TSNAX: variants seen among roughly 807,000 people sequenced by gnomAD.
TSNAX encodes the protein translin-associated protein X.
In TSNAX, 12 loss-of-function variants were observed where a neutral mutation model predicts 33.0. That is an observed-to-expected ratio of 0.36 (90% CI 0.23 to 0.59). TSNAX has a LOEUF of 0.59. Among genes scored for constraint, TSNAX ranks in the 20% least tolerant of loss-of-function variants. The pLI is 0.74. For synonymous variants in TSNAX, 110 were observed against 117.2 expected (o/e 0.94, Z 0.40); for missense variants, 267 against 341.3 (o/e 0.78, Z 1.72).
chr1:231,548,232 A>G (rs1455663843), intron 4 of TSNAX, among the ~76,000 whole-genome samples: 1 of 152,244 alleles, frequency 6.6e-6, no homozygotes, highest in Non-Finnish European at 1.5e-5. Flanking sequence ...TAGTAAACAG[A>G]TACAAAGGGC....
chr1:231,528,672 G>T lies in TSNAX; in HGVS notation c.-139G>T, dbSNP rs751716230. On this transcript the variant is annotated 5_prime_UTR_variant, in exon 1 of 6. Coordinates refer to ENST00000366639, the MANE Select transcript of TSNAX (RefSeq NM_005999.3). ...GGAAGTACGTGAGAGGAGACTTCCG[G>T]CCACTGCGTTGTAGTCGGCCCGGCT... is the stretch of plus-strand genomic sequence containing the variant. The T allele has an allele frequency of 7.5e-6, 7 of 934,358 alleles. No individual in the cohort carries two copies. The highest frequency in any genetic ancestry group is 4.4e-5 in the South Asian group (3 of 68,564). 57.9% of individuals were successfully genotyped at this position (934,358 alleles called of 1,614,324 possible).
At chr1:231,540,173 CAAAAAAAAA>C (rs10714707) in intron 3 of TSNAX, among the ~76,000 whole-genome samples, 97 of 70,430 alleles carry the variant, frequency 1.4e-3, no homozygotes, top group East Asian at 7.9e-3. Flanking sequence ...GACTCTGTCT[CAAAAAAAAA>C]AAAAAAAAAA....
chr1:231,537,758 A>AG (rs1311034043), intron 3 of TSNAX, among the ~76,000 whole-genome samples: 1 of 150,884 alleles, frequency 6.6e-6, no homozygotes, highest in East Asian at 1.9e-4. Context: ...AAAAAAAAAA[A>AG]GGAAAAGTCT....
At chr1:231,533,409 C>T (rs980223381) in intron 2 of TSNAX, among the ~76,000 whole-genome samples, 1 of 152,154 alleles carries the variant, frequency 6.6e-6, no homozygotes. Flanking sequence ...CCCGGAAAGT[C>T]TTTAATGAGA....
At chr1:231,562,094 A>G (rs1661152848) in intron 5 of TSNAX, among the ~76,000 whole-genome samples, 1 of 151,120 alleles carries the variant, frequency 6.6e-6, no homozygotes, top group Non-Finnish European at 1.5e-5. Flanking sequence ...TGACTATTTG[A>G]TACTTTCTGA....
In TSNAX at chr1:231,542,501, T is replaced by C. The variant is rs747164945; in HGVS notation, c.257T>C (p.Ile86Thr). 53 of 1,613,902 alleles carry C rather than the reference T, an allele frequency of 3.3e-5. 1 individual carries two copies. Among genetic ancestry groups the C allele is most frequent in the South Asian group, 2.2e-4 (20 of 91,084 alleles). The change falls in exon 4 of 6, where the codon ATA becomes ACA. Residue 86 changes from isoleucine to threonine, a missense_variant. By Grantham distance (89) the Ile-to-Thr change is moderately conservative. Around this residue, in one of 2 missense-constraint regions of TSNAX, gnomAD observed 200 missense variants for 214.1 expected, o/e 0.93. Coordinates refer to ENST00000366639, the MANE Select transcript of TSNAX (RefSeq NM_005999.3). ...CATAGTGCTCCTGATATGGAAGATATATTGACTGAATCAGAAATTAAATTG... is the reference window on the plus strand; with the variant it reads ...CATAGTGCTCCTGATATGGAAGATACATTGACTGAATCAGAAATTAAATTG... ...RITSAPDMED[I>T]LTESEIKLDG...
Position 231,529,240 on chromosome 1 carries a change from T to C in TSNAX, c.17-15T>C. The C allele has an allele frequency of 1.2e-6, 2 of 1,609,308 alleles. No homozygotes were observed. Among genetic ancestry groups the C allele is most frequent in the Non-Finnish European group, 1.7e-6 (2 of 1,178,422 alleles). The stretch of plus-strand genomic sequence containing the variant: ...GTGATGGAAGATCCCTCTCTTTTTT[T>C]CTTCTCTATATAAGGATCAGGAGGG... On this transcript the variant is annotated splice_polypyrimidine_tract_variant and intron_variant, in intron 1 of 5. Transcript: ENST00000366639.
chr1:231,566,324 G>C lies in TSNAX; in HGVS notation c.*1419G>C, dbSNP rs1424744531. The C allele has an allele frequency of 6.6e-6, 1 of 152,502 alleles. No individual in the cohort carries two copies. The highest frequency in any genetic ancestry group is 6.6e-5 in the Admixed American group (1 of 15,266). The allele number at this position is 152,502 out of a possible 1,614,324, so 9.4% of individuals were successfully genotyped here. ...GAATTGGAATTTGCCTACTGAAATA[G>C]TTATAGATGATTACTTGTGATGTGA... On this transcript the variant is annotated 3_prime_UTR_variant, in exon 6 of 6. Coordinates refer to ENST00000366639, the MANE Select transcript of TSNAX (RefSeq NM_005999.3).
At position 231,529,248 on chromosome 1, in the gene TSNAX, A is replaced by G. The variant is rs1296215174; in HGVS notation, c.17-7A>G. On this transcript the variant is annotated splice_region_variant and splice_polypyrimidine_tract_variant and intron_variant, in intron 1 of 5. Transcript: ENST00000366639. ...AGATCCCTCTCTTTTTTTCTTCTCTATATAAGGATCAGGAGGGTTCAGGAA... is the reference window on the plus strand; with the variant it reads ...AGATCCCTCTCTTTTTTTCTTCTCTGTATAAGGATCAGGAGGGTTCAGGAA... The G allele has an allele frequency of 5.0e-6, 8 of 1,611,846 alleles. No homozygotes were observed. Among genetic ancestry groups the G allele is most frequent in the African/African-American group, 2.7e-5 (2 of 74,792 alleles).
intron 3 of TSNAX, among the ~76,000 whole-genome samples, chr1:231,539,634 G>A (rs1226391050): frequency 1.3e-5 from 2 of 152,100 alleles, no homozygotes; most frequent in African/African-American, 4.8e-5. Flanking sequence ...TTAGAAAATG[G>A]TAGTCTTTAG....
intron 3 of TSNAX, 109 bp downstream of exon 3, chr1:231,537,436 A>G (rs919219110): frequency 1.5e-5 from 10 of 678,196 alleles, no homozygotes; most frequent in Middle Eastern, 4.2e-4. Context: ...TTAAGAGTTA[A>G]TATTTTAATA....
At chr1:231,560,461 C>G (rs1661026170) in intron 4 of TSNAX, among the ~76,000 whole-genome samples, 1 of 114,664 alleles carries the variant, frequency 8.7e-6, no homozygotes, top group South Asian at 3.1e-4. Flanking sequence ...GTCCCCCAGG[C>G]TGGAGTGCAA....
chr1:231,555,424 T>C (rs1660625031), intron 4 of TSNAX, among the ~76,000 whole-genome samples: 1 of 152,020 alleles, frequency 6.6e-6, no homozygotes, highest in African/African-American at 2.4e-5. Context: ...GGGAGTTAGA[T>C]TAAGAAATGC....
chr1:231,537,641 T>C (rs962584390), intron 3 of TSNAX, among the ~76,000 whole-genome samples: 12 of 150,490 alleles, frequency 8.0e-5, no homozygotes, highest in African/African-American at 2.5e-4. Context: ...CTTGGGAGGC[T>C]GAGGTGGGAG....
chr1:231,533,156 TCCCAGGTTCAAGCAATTCTCCTGCCTCC>T (rs1338448321), intron 2 of TSNAX, among the ~76,000 whole-genome samples: 4 of 143,628 alleles, frequency 2.8e-5, no homozygotes, highest in African/African-American at 8.7e-5. Context: ...AACCTCCGCC[TCCCAGGTTCAAGCAATTCTCCTGCCTCC>T]GCCTCCCAGG....
intron 4 of TSNAX, 56 bp from the exon 5 acceptor site, chr1:231,561,072 G>A: frequency 1.3e-6 from 2 of 1,549,200 alleles, no homozygotes; most frequent in Non-Finnish European, 1.7e-6. Flanking sequence ...TTTTTATTAT[G>A]ACATTCTTAC....
chr1:231,550,324 A>T (rs1261318506), intron 4 of TSNAX, among the ~76,000 whole-genome samples: 1 of 152,024 alleles, frequency 6.6e-6, no homozygotes. Context: ...TTTTAAGTCC[A>T]GGGGTGGGTG....
At chr1:231,539,971 G>T (rs1659457897) in intron 3 of TSNAX, among the ~76,000 whole-genome samples, 1 of 152,092 alleles carries the variant, frequency 6.6e-6, no homozygotes, top group Non-Finnish European at 1.5e-5. Context: ...GATCACTTGA[G>T]GTCAGGAGTT....
chr1:231,540,005 C>T (rs924398915), intron 3 of TSNAX, among the ~76,000 whole-genome samples: 2 of 151,774 alleles, frequency 1.3e-5, no homozygotes, highest in African/African-American at 2.4e-5. Flanking sequence ...GCCAACATGG[C>T]GAAACCCTGT....
Sources: gnomAD v4.1 joint callset for allele counts (sites outside exome capture counted in the v4.1 genomes callset) on GRCh38, gnomAD v4.1.1 for gene constraint, gnomAD v4.1.1 regional missense constraint, MANE v1.5 for transcripts, NCBI Gene and HGNC (gene_info 2026-07-23, HGNC 2026-07-21) for gene names.